TRMT1L: variants seen among roughly 807,000 people sequenced by gnomAD.
The protein encoded by TRMT1L is tRNA (guanine(27)-N(2))-dimethyltransferase.
A neutral mutation model predicts 81.6 loss-of-function variants in TRMT1L; 28 were observed. The observed-to-expected ratio is 0.34, with a 90% confidence interval of 0.25 to 0.47. The LOEUF is 0.47. Among genes scored for constraint, TRMT1L ranks in the 20% least tolerant of loss-of-function variants. TRMT1L has a pLI of 1.00. For synonymous variants in TRMT1L, 301 were observed against 303.2 expected (o/e 0.99, Z 0.07); for missense variants, 739 against 877.1 (o/e 0.84, Z 1.99).
At chr1:185,157,363 G>C (rs1653678476), upstream of TRMT1L, 1 of 152,518 alleles carries the variant, frequency 6.6e-6, no homozygotes, top group Non-Finnish European at 1.5e-5. Context: ...GTTCCCCCTC[G>C]TCCCCCGCCC....
intron 5 of TRMT1L, 76 bp from the exon 6 acceptor site, chr1:185,144,105 A>C (rs1653122907): frequency 2.2e-6 from 3 of 1,348,312 alleles, no homozygotes; most frequent in Non-Finnish European, 3.0e-6. Flanking sequence ...GAAAACACAA[A>C]ATAATTGTAA....
chr1:185,147,327 T>C (rs758014562), intron 3 of TRMT1L, 81 bp from the exon 4 acceptor site: 14 of 1,019,590 alleles, frequency 1.4e-5, no homozygotes, highest in Non-Finnish European at 2.0e-5. Context: ...TTTTATTTTA[T>C]AAGAATTGGT....
chr1:185,156,439 C>T, intron 1 of TRMT1L, 39 bp downstream of exon 1: 1 of 1,613,632 alleles, frequency 6.2e-7, no homozygotes, highest in Non-Finnish European at 8.5e-7. Context: ...CGCACTTTCT[C>T]TCTTCTGCAG....
At chr1:185,122,817 T>C (rs1652533038) in intron 13 of TRMT1L, among the ~76,000 whole-genome samples, 1 of 151,804 alleles carries the variant, frequency 6.6e-6, no homozygotes, top group South Asian at 2.1e-4. Flanking sequence ...CTCAAGTAGC[T>C]GGTATTACAG....
At chr1:185,136,238 G>A (rs955572566) in intron 10 of TRMT1L, among the ~76,000 whole-genome samples, 17 of 151,814 alleles carry the variant, frequency 1.1e-4, no homozygotes, top group African/African-American at 3.4e-4. Context: ...GTGAAACCCC[G>A]TCTCTACTAA....
rs141391176 is a variant in TRMT1L, at chr1:185,139,396, T to G, written c.1293A>C (p.Ala431=). 1.4e-4 allele frequency: 221 copies of G among 1,613,978 alleles called. No homozygotes were observed. In the African/African-American group the frequency reaches 2.8e-3, roughly 20 times the overall value. Residue 431 remains alanine, a synonymous_variant, in exon 9 of 15, where the codon GCA becomes GCC. Coordinates refer to ENST00000367506, the MANE Select transcript of TRMT1L (RefSeq NM_030934.5). ...IVRTEYYKEL[A]ARIVVAAVAR... is the part of the protein sequence containing the mutation. ...CCACTGCAGCTACAACAATTCTGGC[T>G]GCTAGTTCCTTGTAATATTCAGTTC...
At chr1:185,122,739 C>T (rs1652531295) in intron 13 of TRMT1L, among the ~76,000 whole-genome samples, 1 of 140,120 alleles carries the variant, frequency 7.1e-6, no homozygotes. Context: ...GGCTGGAGTG[C>T]AGTGGTGCAA....
rs1292638408 is a variant in TRMT1L, at chr1:185,151,849, A to G, written c.322T>C (p.Leu108=). 3.1e-6 allele frequency: 5 copies of G among 1,592,008 alleles called. No individual in the cohort carries two copies. The highest frequency in any genetic ancestry group is 4.3e-6 in the Non-Finnish European group (5 of 1,172,196). The change falls in exon 2 of 15, where the codon TTG becomes CTG. Residue 108 remains leucine (L), a synonymous_variant. Transcript: ENST00000367506. The stretch of plus-strand genomic sequence containing the variant: ...CCTGCATCAAGATTATCTGAGTTCA[A>G]TGAGCTGGCAGAGTCAAAATTTCCA... The part of the protein sequence containing the change: ...TDGNFDSASS[L]NSDNLDAGNR...
intron 3 of TRMT1L, among the ~76,000 whole-genome samples, chr1:185,149,975 T>C (rs1653297543): frequency 6.6e-6 from 1 of 152,232 alleles, no homozygotes; most frequent in South Asian, 2.1e-4. Flanking sequence ...GTAGTTTTTT[T>C]AAGCCATCAG....
At chr1:185,145,379 T>G (rs1446202930) in intron 5 of TRMT1L, 60 bp downstream of exon 5, 59 of 1,525,832 alleles carry the variant, frequency 3.9e-5, no homozygotes, top group Non-Finnish European at 5.3e-5. Flanking sequence ...CTGAAAATAA[T>G]AACTGGACCA....
Position 185,154,937 on chromosome 1 carries a change from T to C in TRMT1L, c.235+1541A>G, listed in dbSNP as rs187906406. ...TCTTTTACAACTTATTCTATTACTT[T>C]TTCCTCAATTTTCAATTCTATTTCA... On this transcript the variant is annotated intron_variant, in intron 1 of 14. Coordinates refer to ENST00000367506, the MANE Select transcript of TRMT1L (RefSeq NM_030934.5). Among the ~76,000 whole-genome samples, 5 of 152,338 alleles carry C rather than the reference T, an allele frequency of 3.3e-5. No homozygotes were observed. The East Asian group carries it at 7.7e-4, about 23-fold the overall frequency.
At chr1:185,137,429 TTA>T in intron 10 of TRMT1L, 175 bp downstream of exon 10, 1 of 728,782 alleles carries the variant, frequency 1.4e-6, no homozygotes, top group East Asian at 2.7e-5. Context: ...GTAAATAACT[TTA>T]ATAAACTCAC....
chr1:185,122,339 C>T (rs1571341011), intron 13 of TRMT1L, among the ~76,000 whole-genome samples: 2 of 152,248 alleles, frequency 1.3e-5, no homozygotes, highest in Admixed American at 1.3e-4. Context: ...CTTAGAATAA[C>T]CATATAATTT....
intron 7 of TRMT1L, 24 bp from the exon 8 acceptor site, chr1:185,140,246 G>A (rs1458704617): frequency 1.3e-6 from 2 of 1,558,872 alleles, no homozygotes; most frequent in Non-Finnish European, 1.7e-6. Context: ...GGAAGAAAAT[G>A]AGTTTTATAA....
intron 4 of TRMT1L, among the ~76,000 whole-genome samples, chr1:185,146,363 T>G (rs1170146662): frequency 1.3e-5 from 2 of 152,054 alleles, no homozygotes; most frequent in Non-Finnish European, 1.5e-5. Context: ...AACAAAAGAC[T>G]GCTCCAATGG....
At position 185,120,176 on chromosome 1, in the gene TRMT1L, A is replaced by G; in HGVS notation, c.2045T>C (p.Met682Thr). The G allele has an allele frequency of 1.9e-6, 3 of 1,613,954 alleles. No individual in the cohort carries two copies. Among genetic ancestry groups the G allele is most frequent in the Non-Finnish European group, 2.5e-6 (3 of 1,179,900 alleles). Residue 682 changes from methionine (M) to threonine (T), a missense_variant, in exon 15 of 15, where the codon ATG (methionine) becomes ACG (threonine). Met to Thr is a moderately conservative substitution (Grantham distance 81). Coordinates refer to ENST00000367506, the MANE Select transcript of TRMT1L (RefSeq NM_030934.5). ...CTTTAAAAGGATAGATTTAAACTGC[A>G]TCAGAGGTGCATCTGTGCGTACACC... is the stretch of plus-strand genomic sequence containing the variant. ...PMGVRTDAPL[M>T]QFKSILLKYS...
At position 185,140,228 on chromosome 1, in the gene TRMT1L, G is replaced by T; in HGVS notation, c.860-6C>A. On this transcript the variant is annotated splice_polypyrimidine_tract_variant and splice_region_variant and intron_variant, in intron 7 of 14. Transcript: ENST00000367506. Reference sequence around the variant, plus strand: ...CCACTGTAATCCCATTATCCCTTAGGAAAAATGGGAAGAAAATGAGTTTTA... The same window carrying T: ...CCACTGTAATCCCATTATCCCTTAGTAAAAATGGGAAGAAAATGAGTTTTA... The T allele has an allele frequency of 6.3e-7, 1 of 1,578,146 alleles. No individual in the cohort carries two copies. The highest frequency in any genetic ancestry group is 1.2e-5 in the South Asian group (1 of 85,232).
intron 10 of TRMT1L, among the ~76,000 whole-genome samples, chr1:185,132,766 T>C (rs914043928): frequency 1.3e-5 from 2 of 152,152 alleles, no homozygotes; most frequent in Admixed American, 1.3e-4. Flanking sequence ...CTTGAACATT[T>C]TGAGGAAAAA....
At chr1:185,128,373 T>C (rs1652687249) in intron 11 of TRMT1L, among the ~76,000 whole-genome samples, 1 of 152,222 alleles carries the variant, frequency 6.6e-6, no homozygotes, top group Non-Finnish European at 1.5e-5. Flanking sequence ...AATGATCAAT[T>C]TTAAAAAGCT....
Sources: gnomAD v4.1 joint callset for allele counts (sites outside exome capture counted in the v4.1 genomes callset) on GRCh38, gnomAD v4.1.1 for gene constraint, MANE v1.5 for transcripts, NCBI Gene and HGNC (gene_info 2026-07-23, HGNC 2026-07-21) for gene names.